The following AKAP8L variants were observed in gnomAD, a reference collection of about 807,000 sequenced individuals.
AKAP8L encodes A-kinase anchor protein 8-like.
Under a neutral mutation model 77.5 loss-of-function variants are expected in AKAP8L, and 34 were observed. The ratio of observed to expected loss-of-function variants is 0.44; its 90% CI spans 0.33 to 0.58. The LOEUF is 0.58. Ranked by LOEUF, AKAP8L falls within the 20% of genes least tolerant of loss-of-function variation. The probability of loss-of-function intolerance (pLI) is 0.02; values close to 1 mark genes in which losing one functional copy is unlikely to be tolerated. For missense variants in AKAP8L, 806 were observed against 887.6 expected, an observed-to-expected ratio of 0.91 and a Z score of 1.17; for synonymous variants, 342 against 340.7, an observed-to-expected ratio of 1.00 and a Z score of -0.04.
chr19:15,386,104 G>A (rs990983437), intron 12 of AKAP8L, among the ~76,000 whole-genome samples: 1 of 151,716 alleles, frequency 6.6e-6, no homozygotes, highest in Non-Finnish European at 1.5e-5. Flanking sequence ...TAGAGATGGG[G>A]TTTCACCGTG....
At chr19:15,417,997 C>T (rs1429347769) in intron 1 of AKAP8L, among the ~76,000 whole-genome samples, 1 of 152,224 alleles carries the variant, frequency 6.6e-6, no homozygotes, top group East Asian at 1.9e-4. Flanking sequence ...ACTGGCCTCC[C>T]TGGCTGATCT....
In AKAP8L at chr19:15,380,498, G is replaced by C. The variant is rs544609212; in HGVS notation, c.1632+19C>G. ...GGGGACTAAGCTGGGGACAGGGCAG[G>C]CCCGGACCAGTGCCTCACCTTCAGG... On this transcript the variant is annotated intron_variant, in intron 13 of 13. Coordinates refer to ENST00000397410, the MANE Select transcript of AKAP8L (RefSeq NM_014371.4). 200 of 1,613,212 alleles carry C rather than the reference G, an allele frequency of 1.2e-4. 1 individual carries two copies. In the African/African-American group the frequency reaches 2.3e-3, roughly 19 times the overall value.
Position 15,400,846 on chromosome 19 carries a change from T to C in AKAP8L, c.932A>G (p.Glu311Gly). ...GGTGCCTTCAAGGCCCTCTGTGGCTTCCCCCTCGGTGCCCTCATCTGAAAG... is the reference window on the plus strand; with the variant it reads ...GGTGCCTTCAAGGCCCTCTGTGGCTCCCCCCTCGGTGCCCTCATCTGAAAG... ...DSDNDEGTEG[E>G]ATEGLEGTEA... is the part of the protein sequence containing the mutation. Residue 311 changes from glutamate (E) to glycine (G), a missense_variant, in exon 7 of 14, where the codon GAA becomes GGA. This residue lies in a region of AKAP8L where 580 missense variants were observed against 694.1 expected (regional missense o/e 0.84). Transcript: ENST00000397410. 6.2e-7 allele frequency: 1 copy of C among 1,613,884 alleles called. No individual in the cohort carries two copies. Among genetic ancestry groups the C allele is most frequent in the African/African-American group, 1.3e-5 (1 of 75,018 alleles).
intron 7 of AKAP8L, 28 bp downstream of exon 7, chr19:15,400,766 C>G: frequency 6.2e-7 from 1 of 1,613,560 alleles, no homozygotes. Flanking sequence ...TGCCTGCAGA[C>G]AGAAAATGCC....
chr19:15,400,229 T>C (rs1413681115), intron 8 of AKAP8L, 66 bp downstream of exon 8: 1 of 1,546,792 alleles, frequency 6.5e-7, no homozygotes, highest in Admixed American at 1.7e-5. Context: ...TGCCCTCAGC[T>C]GGGTCCCTCC....
intron 1 of AKAP8L, among the ~76,000 whole-genome samples, chr19:15,416,911 C>G (rs1480096696): frequency 6.6e-6 from 1 of 152,182 alleles, no homozygotes; most frequent in Non-Finnish European, 1.5e-5. Context: ...AGGACTTACC[C>G]TTAAAGCTAT....
At chr19:15,418,483 C>T (rs1968257042) in intron 1 of AKAP8L, among the ~76,000 whole-genome samples, 1 of 150,734 alleles carries the variant, frequency 6.6e-6, no homozygotes, top group South Asian at 2.1e-4. Flanking sequence ...AGAGCTGCGG[C>T]GTTTTTGCAG....
At position 15,399,100 on chromosome 19, in the gene AKAP8L, C is replaced by G. The variant is rs947922997; in HGVS notation, c.1157+202G>C. On this transcript the variant is annotated intron_variant, in intron 9 of 13. Coordinates refer to ENST00000397410, the MANE Select transcript of AKAP8L (RefSeq NM_014371.4). This position sits in a 1 kb window ranked among gnomAD's most constrained non-coding sequence, Gnocchi z 6.1. ...GTCTCGGCCCACAGACGCCAGCGGT[C>G]GCCAGGCGGCCGCAGAGGGGCAGGG... 1.7e-6 allele frequency: 1 copy of G among 593,206 alleles called. No homozygotes were observed. The highest frequency in any genetic ancestry group is 3.0e-6 in the Non-Finnish European group (1 of 336,550). The allele number at this position is 593,206 out of a possible 1,614,324, so 36.7% of individuals were successfully genotyped here. A position where few individuals can be genotyped will look rare whatever the true frequency, so the allele number is the denominator to read the frequency against.
At chr19:15,402,401 T>C (rs1967918032) in intron 4 of AKAP8L, among the ~76,000 whole-genome samples, 1 of 152,106 alleles carries the variant, frequency 6.6e-6, no homozygotes, top group Non-Finnish European at 1.5e-5. Flanking sequence ...CACTCTTCCC[T>C]AAACCTGGGC....
In AKAP8L at chr19:15,380,502, G is replaced by A. The variant is rs749073857; in HGVS notation, c.1632+15C>T. 4 of 1,613,312 alleles carry A rather than the reference G, an allele frequency of 2.5e-6. No homozygotes were observed. Among genetic ancestry groups the A allele is most frequent in the South Asian group, 1.1e-5 (1 of 91,018 alleles). On this transcript the variant is annotated intron_variant, in intron 13 of 13. Coordinates refer to ENST00000397410, the MANE Select transcript of AKAP8L (RefSeq NM_014371.4). Reference sequence around the variant, plus strand: ...ACTAAGCTGGGGACAGGGCAGGCCCGGACCAGTGCCTCACCTTCAGGTAGC... The same window carrying A: ...ACTAAGCTGGGGACAGGGCAGGCCCAGACCAGTGCCTCACCTTCAGGTAGC...
Position 15,398,716 on chromosome 19 carries a change from CAGCAAG to C in AKAP8L, c.1157+580_1157+585del, listed in dbSNP as rs1967827940. On this transcript the variant is annotated intron_variant, in intron 9 of 13. Coordinates refer to ENST00000397410, the MANE Select transcript of AKAP8L (RefSeq NM_014371.4). This position sits in a 1 kb window ranked among gnomAD's most constrained non-coding sequence, Gnocchi z 9.2. ...GGCGCCGGCGAGGCTGAGGAAGGTC[CAGCAAG>C]AGCAAGAGTCTGAGGCGGAGGAGGC... 2 of 988,842 alleles carry C rather than the reference CAGCAAG, an allele frequency of 2.0e-6. No individual in the cohort carries two copies. The highest frequency in any genetic ancestry group is 2.4e-6 in the Non-Finnish European group (2 of 832,352). The allele number at this position is 988,842 out of a possible 1,614,324, so 61.3% of individuals were successfully genotyped here. A position where few individuals can be genotyped will look rare whatever the true frequency, so the allele number is the denominator to read the frequency against.
Position 15,398,660 on chromosome 19 carries a change from G to T in AKAP8L, c.1157+642C>A. On this transcript the variant is annotated intron_variant, in intron 9 of 13. Transcript: ENST00000397410. This position sits in a 1 kb window ranked among gnomAD's most constrained non-coding sequence, Gnocchi z 9.2. ...CCGGACGTCCTTATCTGGGCCACGG[G>T]GTCAGCTTTGTCTGGAGAGCCCAGG... 3.0e-6 allele frequency: 3 copies of T among 987,136 alleles called. No homozygotes were observed. Among genetic ancestry groups the T allele is most frequent in the Non-Finnish European group, 3.6e-6 (3 of 830,968 alleles). 61.1% of individuals were successfully genotyped at this position (987,136 alleles called of 1,614,324 possible). A position where few individuals can be genotyped will look rare whatever the true frequency, so the allele number is the denominator to read the frequency against.
At chr19:15,415,978 G>A (rs139245150) in intron 1 of AKAP8L, among the ~76,000 whole-genome samples, 38 of 151,878 alleles carry the variant, frequency 2.5e-4, no homozygotes, top group African/African-American at 4.3e-4. Context: ...CCTCAACCTC[G>A]CAGAGCTAAC....
At chr19:15,406,313 T>C (rs947449594) in intron 2 of AKAP8L, among the ~76,000 whole-genome samples, 21 of 143,066 alleles carry the variant, frequency 1.5e-4, no homozygotes, top group Non-Finnish European at 1.5e-5. Context: ...CCCCAACTCA[T>C]TTCCATCCCC....
chr19:15,395,605 G>A (rs557421165), intron 12 of AKAP8L, among the ~76,000 whole-genome samples: 20 of 151,216 alleles, frequency 1.3e-4, no homozygotes, highest in Non-Finnish European at 2.5e-4. Context: ...GAGCCACCAC[G>A]CCCAGCCAGA....
chr19:15,400,522 C>A (rs1208860685), intron 7 of AKAP8L, 164 bp from the exon 8 acceptor site: 1 of 766,246 alleles, frequency 1.3e-6, no homozygotes. Context: ...CAGTTATTTA[C>A]AATGGCTTTA....
chr19:15,386,360 TG>T (rs1967537915), intron 12 of AKAP8L, among the ~76,000 whole-genome samples: 1 of 152,172 alleles, frequency 6.6e-6, no homozygotes, highest in Non-Finnish European at 1.5e-5. Context: ...AGGCGTTCCC[TG>T]GAACACTCCC....
intron 12 of AKAP8L, among the ~76,000 whole-genome samples, chr19:15,394,794 A>G (rs1967735346): frequency 1.3e-5 from 2 of 152,196 alleles, no homozygotes; most frequent in South Asian, 4.1e-4. Context: ...AAAGATAACA[A>G]TAATTAGAAG....
Position 15,412,522 on chromosome 19 carries a change from G to GA in AKAP8L, c.14-1929dup, listed in dbSNP as rs769166286. Among the ~76,000 whole-genome samples the GA allele has an allele frequency of 5.3e-5, 8 of 151,062 alleles. No homozygotes were observed. In the East Asian group the frequency reaches 1.0e-3, roughly 19 times the overall value. On this transcript the variant is annotated intron_variant, in intron 1 of 13. Transcript: ENST00000397410. Reference sequence around the variant, plus strand: ...TTGCTTTAAAACTACATTAAAAAAAGAAAAAACAACAACTCTACAGTTAGA... The same window carrying GA: ...TTGCTTTAAAACTACATTAAAAAAAGAAAAAAACAACAACTCTACAGTTAGA...
Sources: gnomAD v4.1 joint callset for allele counts (sites outside exome capture counted in the v4.1 genomes callset) on GRCh38, gnomAD v4.1.1 for gene constraint, gnomAD v4.1.1 regional missense constraint, Gnocchi (gnomAD v3.1) non-coding constraint, MANE v1.5 for transcripts, NCBI Gene and HGNC (gene_info 2026-07-23, HGNC 2026-07-21) for gene names.